Variants in RGPD1 observed in about 807,000 individuals in gnomAD.
RGPD1 encodes RANBP2 like and GRIP domain containing 1.
RGPD1 carries 7 observed loss-of-function variants against 40.6 expected under a neutral mutation model. The ratio of observed to expected loss-of-function variants is 0.17; its 90% CI spans 0.10 to 0.32. The LOEUF (loss-of-function observed/expected upper bound fraction) is 0.32. Ranked by LOEUF, RGPD1 falls within the 10% of genes least tolerant of loss-of-function variation. The pLI is 1.00. For missense variants in RGPD1, 50 were observed against 472.5 expected, an observed-to-expected ratio of 0.11 and a Z score of 8.29; for synonymous variants, 24 against 167.0, an observed-to-expected ratio of 0.14 and a Z score of 6.60.
intron 1 of RGPD1, among the ~76,000 whole-genome samples, chr2:86,919,465 T>G (rs1266509441): frequency 7.9e-6 from 1 of 126,998 alleles, no homozygotes; most frequent in Non-Finnish European, 1.6e-5. Flanking sequence ...GGCCATAGGC[T>G]TATAAGGTGC....
chr2:86,931,663 A>G (rs1416807301), intron 1 of RGPD1, among the ~76,000 whole-genome samples: 1 of 151,954 alleles, frequency 6.6e-6, no homozygotes, highest in African/African-American at 2.4e-5. Flanking sequence ...ATAACTGTTA[A>G]TACATTTTCA....
chr2:86,914,283 GGGCGGCGGC>G lies in RGPD1; in HGVS notation c.72+390_72+398del, dbSNP rs533309212. ...CTCGGCCTCGGCCTTGGCCTCGGCC[GGGCGGCGGC>G]GGCGGCGGCGGCGGCGGCGGCGGCG... On this transcript the variant is annotated intron_variant, in intron 1 of 22. Coordinates refer to the RGPD1 transcript ENST00000398193. Among the ~76,000 whole-genome samples, 61 of 10,230 alleles carry G rather than the reference GGGCGGCGGC, an allele frequency of 6.0e-3. 2 individuals carry two copies. Among genetic ancestry groups the G allele is most frequent in the Non-Finnish European group, 8.2e-3 (49 of 5,990 alleles). The allele number at this position is 10,230 out of a possible 152,430, so 6.7% of individuals were successfully genotyped here.
intron 1 of RGPD1, among the ~76,000 whole-genome samples, chr2:86,943,370 T>A (rs1313848035): frequency 1.4e-5 from 2 of 147,370 alleles, no homozygotes; most frequent in Non-Finnish European, 3.0e-5. Context: ...TGGCTTACAA[T>A]TTTTAACCTT....
chr2:86,933,091 G>T (rs1679093097), intron 1 of RGPD1, among the ~76,000 whole-genome samples: 1 of 147,026 alleles, frequency 6.8e-6, no homozygotes, highest in Non-Finnish European at 1.5e-5. Flanking sequence ...GTCTTTATAT[G>T]TGTCTGTGTT....
intron 22 of RGPD1, among the ~76,000 whole-genome samples, chr2:87,007,366 A>G (rs1682091771): frequency 6.7e-6 from 1 of 149,808 alleles, no homozygotes; most frequent in Non-Finnish European, 1.5e-5. Flanking sequence ...ACGCCCGTCT[A>G]ATTTTTTTGT....
rs923423041 is a variant in RGPD1, at chr2:86,942,248, C to T, written c.12C>T (p.Ser4=). 1 of 1,606,564 alleles carries T rather than the reference C, an allele frequency of 6.2e-7. No individual in the cohort carries two copies. The highest frequency in any genetic ancestry group is 8.5e-7 in the Non-Finnish European group (1 of 1,177,576). MRR[S]KAYGERYVAS... is the part of the protein sequence containing the mutation. ...AGGTTGGCGGTGCGATGAGGCGCAG[C>T]AAGGCCTACGGGGAGCGGTACGTCG... is the stretch of plus-strand genomic sequence containing the variant. Residue 4 remains serine, a synonymous_variant, in exon 1 of 23, where the codon AGC becomes AGT. Coordinates refer to ENST00000641458, the MANE Select transcript of RGPD1 (RefSeq NM_001382344.1).
At chr2:86,945,468 A>G (rs370068670) in intron 1 of RGPD1, among the ~76,000 whole-genome samples, 78 of 150,778 alleles carry the variant, frequency 5.2e-4, no homozygotes, top group East Asian at 2.3e-3. Flanking sequence ...TTTGGCAGAG[A>G]CTGGCCATCT....
intron 22 of RGPD1, among the ~76,000 whole-genome samples, chr2:87,007,417 T>G: frequency 6.6e-6 from 1 of 151,942 alleles, no homozygotes; most frequent in Non-Finnish European, 1.5e-5. Context: ...TCTCGCTGTT[T>G]CCCAGGCTGG....
At chr2:86,993,204 A>G (rs1198795638) in intron 20 of RGPD1, among the ~76,000 whole-genome samples, 1 of 152,112 alleles carries the variant, frequency 6.6e-6, no homozygotes, top group Non-Finnish European at 1.5e-5. Context: ...TCGAGAAAGG[A>G]GAAACACAGA....
chr2:86,933,522 GCTAA>G (rs1321515946), intron 1 of RGPD1, among the ~76,000 whole-genome samples: 2 of 137,356 alleles, frequency 1.5e-5, no homozygotes, highest in Non-Finnish European at 3.2e-5. Context: ...AAATTCATTA[GCTAA>G]CTCTCTCAAT....
At chr2:86,942,565 C>T (rs1236366909) in intron 1 of RGPD1, among the ~76,000 whole-genome samples, 2 of 122,144 alleles carry the variant, frequency 1.6e-5, no homozygotes, top group African/African-American at 3.3e-5. Flanking sequence ...CTCGACGTGG[C>T]CCGGCGGCGG....
At chr2:86,924,455 C>T (rs1421343104) in intron 1 of RGPD1, among the ~76,000 whole-genome samples, 2 of 150,610 alleles carry the variant, frequency 1.3e-5, no homozygotes, top group Non-Finnish European at 3.0e-5. Flanking sequence ...ATGCCCGGCC[C>T]GTGGACATAC....
At chr2:86,942,539 G>GGGCGGC (rs1230618193) in intron 1 of RGPD1, among the ~76,000 whole-genome samples, 109 of 68,268 alleles carry the variant, frequency 1.6e-3, no homozygotes, top group Middle Eastern at 9.3e-3. Flanking sequence ...CGACCTGGCC[G>GGGCGGC]GGCGGCGGCG....
At position 87,000,322 on chromosome 2, in the gene RGPD1, C is replaced by T. The variant is rs1166097474; in HGVS notation, c.5236+2564C>T. Reference sequence around the variant, plus strand: ...TAACAGGTCTCTTTTAAAAGCTCAGCATGTTTAATGTAGACGTTGCTAACG... The same window carrying T: ...TAACAGGTCTCTTTTAAAAGCTCAGTATGTTTAATGTAGACGTTGCTAACG... On this transcript the variant is annotated intron_variant, in intron 22 of 22. Transcript: ENST00000641458. Among the ~76,000 whole-genome samples the T allele has an allele frequency of 5.1e-4, 67 of 130,524 alleles. 2 individuals carry two copies. The Middle Eastern group carries it at 0.011, about 21-fold the overall frequency. 85.6% of individuals were successfully genotyped at this position (130,524 alleles called of 152,430 possible). A position where few individuals can be genotyped will look rare whatever the true frequency, so the allele number is the denominator to read the frequency against.
chr2:86,915,030 T>A, intron 1 of RGPD1, among the ~76,000 whole-genome samples: 1 of 150,214 alleles, frequency 6.7e-6, no homozygotes, highest in South Asian at 2.1e-4. Context: ...GCATGGTGGC[T>A]CACACCTGTA....
upstream of RGPD1, among the ~76,000 whole-genome samples, chr2:86,941,510 G>A (rs1048778290): frequency 6.7e-5 from 10 of 148,320 alleles, no homozygotes; most frequent in African/African-American, 2.5e-4. Flanking sequence ...CTCCCAAAGT[G>A]CTGGGGCTAC....
chr2:87,008,839 A>G (rs1262175106), intron 22 of RGPD1, among the ~76,000 whole-genome samples: 1 of 57,634 alleles, frequency 1.7e-5, no homozygotes, highest in Non-Finnish European at 3.2e-5. Flanking sequence ...AAGAATGGAT[A>G]TGGCCAATGA....
At chr2:87,008,998 C>T (rs557636785) in intron 22 of RGPD1, among the ~76,000 whole-genome samples, 1 of 149,246 alleles carries the variant, frequency 6.7e-6, no homozygotes, top group African/African-American at 2.5e-5. Flanking sequence ...TTGGAAATAC[C>T]AGAAAGAGAA....
chr2:86,927,369 C>CT (rs1558787798), intron 1 of RGPD1, among the ~76,000 whole-genome samples: 2 of 147,544 alleles, frequency 1.4e-5, no homozygotes, highest in Non-Finnish European at 1.5e-5. Flanking sequence ...TAGGAAGACT[C>CT]TTTTTTTCCC....
Sources: gnomAD v4.1 joint callset for allele counts (sites outside exome capture counted in the v4.1 genomes callset) on GRCh38, gnomAD v4.1.1 for gene constraint, MANE v1.5 for transcripts, NCBI Gene and HGNC (gene_info 2026-07-23, HGNC 2026-07-21) for gene names.